DYNC1I2: variants seen among roughly 807,000 people sequenced by gnomAD.
DYNC1I2 encodes dynein cytoplasmic 1 intermediate chain 2.
Under a neutral mutation model 88.6 loss-of-function variants are expected in DYNC1I2, and 53 were observed. The observed-to-expected ratio is 0.60, with a 90% CI of 0.48 to 0.75. DYNC1I2 has a LOEUF of 0.75. DYNC1I2 is among the 30% of genes least tolerant of loss of function. DYNC1I2 has a pLI of 0.00. For missense variants in DYNC1I2, 458 were observed against 766.6 expected, an observed-to-expected ratio of 0.60 and a Z score of 4.75; for synonymous variants, 198 against 254.6, an observed-to-expected ratio of 0.78 and a Z score of 2.12.
At chr2:171,700,851 T>C (rs1686203216) in intron 3 of DYNC1I2, among the ~76,000 whole-genome samples, 1 of 152,120 alleles carries the variant, frequency 6.6e-6, no homozygotes, top group Non-Finnish European at 1.5e-5. Context: ...CAGGATGGTC[T>C]CAATCTCCTG....
chr2:171,703,658 GA>G (rs1157391645), intron 3 of DYNC1I2, among the ~76,000 whole-genome samples: 2 of 152,038 alleles, frequency 1.3e-5, no homozygotes, highest in African/African-American at 4.8e-5. Context: ...ATTATGAAGA[GA>G]AAGAGCAAGG....
chr2:171,725,122 G>T (rs1688151098), intron 7 of DYNC1I2, among the ~76,000 whole-genome samples: 1 of 152,100 alleles, frequency 6.6e-6, no homozygotes, highest in African/African-American at 2.4e-5. Context: ...CCTTATGAAG[G>T]CCCATTAGAC....
intron 2 of DYNC1I2, among the ~76,000 whole-genome samples, chr2:171,691,894 T>C (rs973489674): frequency 6.6e-6 from 1 of 152,192 alleles, no homozygotes; most frequent in Admixed American, 6.5e-5. Context: ...ACAATGGTAT[T>C]AAACTGTGAG....
chr2:171,728,622 TAAAAG>T (rs1218644886), intron 13 of DYNC1I2, 90 bp from the exon 14 acceptor site: 1 of 1,130,736 alleles, frequency 8.8e-7, no homozygotes, highest in East Asian at 2.7e-5. Context: ...ATGTAAATAA[TAAAAG>T]AATTGTTTAC....
At chr2:171,734,174 A>G (rs1047224277) in intron 15 of DYNC1I2, among the ~76,000 whole-genome samples, 2 of 151,762 alleles carry the variant, frequency 1.3e-5, no homozygotes, top group Admixed American at 1.3e-4. Flanking sequence ...TCTTTTATCT[A>G]TTTCTAGTTT....
chr2:171,701,330 C>T (rs1205138355), intron 3 of DYNC1I2, among the ~76,000 whole-genome samples: 2 of 152,100 alleles, frequency 1.3e-5, no homozygotes, highest in African/African-American at 4.8e-5. Flanking sequence ...CCAACAAGCC[C>T]AGCTAATTTT....
chr2:171,712,794 A>G lies in DYNC1I2; in HGVS notation c.363A>G (p.Ser121=), dbSNP rs374325645. ...CGCTGCATTGGGATACAGATCCATC[A>G]GTTCTTCAGCTTCACTCAGATTCCG... is the stretch of plus-strand genomic sequence containing the variant. ...SRTLHWDTDP[S]VLQLHSDSDL... is the part of the protein sequence containing the mutation. The change falls in exon 6 of 18, where the codon TCA becomes TCG. Residue 121 remains serine (S), a synonymous_variant. Transcript: ENST00000397119. The G allele has an allele frequency of 1.7e-5, 27 of 1,613,428 alleles. No individual in the cohort carries two copies. Among genetic ancestry groups the G allele is most frequent in the Non-Finnish European group, 2.0e-5 (24 of 1,179,628 alleles).
intron 7 of DYNC1I2, among the ~76,000 whole-genome samples, chr2:171,725,278 G>C (rs1386976046): frequency 2.6e-5 from 4 of 152,148 alleles, no homozygotes; most frequent in African/African-American, 9.7e-5. Context: ...AATGATAAAT[G>C]CTTGCAAGCT....
intron 7 of DYNC1I2, among the ~76,000 whole-genome samples, chr2:171,717,496 G>A (rs1687591854): frequency 1.3e-5 from 2 of 151,968 alleles, no homozygotes; most frequent in African/African-American, 2.4e-5. Context: ...TGGTTGGTAA[G>A]ATATCTTTTG....
chr2:171,690,676 C>G (rs1685336578), intron 2 of DYNC1I2, among the ~76,000 whole-genome samples: 1 of 131,516 alleles, frequency 7.6e-6, no homozygotes, highest in African/African-American at 2.9e-5. Flanking sequence ...TTTTTTGAGA[C>G]TGGGTCTCAC....
At chr2:171,733,494 T>C (rs1382337694) in intron 15 of DYNC1I2, among the ~76,000 whole-genome samples, 1 of 144,598 alleles carries the variant, frequency 6.9e-6, no homozygotes, top group Non-Finnish European at 1.5e-5. Context: ...TTTTTTGCTT[T>C]TTAATAATAG....
At position 171,715,330 on chromosome 2, in the gene DYNC1I2, G is replaced by A. The variant is rs769244386; in HGVS notation, c.398G>A (p.Arg133Gln). 69 of 1,545,558 alleles carry A rather than the reference G, an allele frequency of 4.5e-5. No homozygotes were observed. The Middle Eastern group carries it at 5.9e-4, about 13-fold the overall frequency. ...LQLHSDSDLG[R>Q]GPIKLGMAKI... Reference sequence around the variant, plus strand: ...TTGTTTGTATTTACTTAATTTAGACGAGGACCTATTAAACTTGGAATGGCT... The same window carrying A: ...TTGTTTGTATTTACTTAATTTAGACAAGGACCTATTAAACTTGGAATGGCT... Residue 133 changes from arginine (R) to glutamine (Q), a missense_variant and splice_region_variant, in exon 7 of 18, where the codon CGA (arginine) becomes CAA (glutamine). Transcript: ENST00000397119.
intron 1 of DYNC1I2, chr2:171,688,631 A>G (rs1685153980): frequency 6.6e-6 from 1 of 152,174 alleles, no homozygotes; most frequent in Non-Finnish European, 1.5e-5. Context: ...CTTGGAAGAT[A>G]TTGTGTATAT....
intron 15 of DYNC1I2, among the ~76,000 whole-genome samples, chr2:171,736,049 AAT>A (rs1312153955): frequency 6.6e-5 from 10 of 152,318 alleles, no homozygotes; most frequent in Admixed American, 3.9e-4. Context: ...TCCTTATATT[AAT>A]AGCTTACTTA....
At chr2:171,726,987 T>C in intron 11 of DYNC1I2, 71 bp downstream of exon 11, 2 of 1,420,054 alleles carry the variant, frequency 1.4e-6, no homozygotes, top group Non-Finnish European at 1.9e-6. Context: ...AAGTGCCTTT[T>C]TTCTTTTCTT....
chr2:171,725,512 A>G, intron 7 of DYNC1I2, 106 bp from the exon 8 acceptor site: 1 of 689,818 alleles, frequency 1.4e-6, no homozygotes, highest in Non-Finnish European at 2.3e-6. Context: ...GAGTTGTGAT[A>G]CCTTCTGAAA....
At chr2:171,704,881 T>C (rs1012843882) in intron 3 of DYNC1I2, among the ~76,000 whole-genome samples, 2 of 152,184 alleles carry the variant, frequency 1.3e-5, no homozygotes, top group Admixed American at 1.3e-4. Context: ...TAAAAATTAA[T>C]ATTCCTCCTT....
intron 7 of DYNC1I2, among the ~76,000 whole-genome samples, chr2:171,715,875 C>T (rs1338128327): frequency 6.6e-6 from 1 of 152,126 alleles, no homozygotes; most frequent in African/African-American, 2.4e-5. Context: ...GTTATTCATA[C>T]TAATGAACAA....
At chr2:171,713,762 A>G (rs373903831) in intron 6 of DYNC1I2, among the ~76,000 whole-genome samples, 27 of 152,174 alleles carry the variant, frequency 1.8e-4, no homozygotes, top group East Asian at 7.7e-4. Context: ...AAAGTAAGGT[A>G]AATAAGCCTT....
Sources: allele counts gnomAD v4.1 joint callset (sites outside exome capture counted in the v4.1 genomes callset), GRCh38; gene constraint gnomAD v4.1.1; transcripts MANE v1.5; gene names NCBI Gene and HGNC (gene_info 2026-07-23, HGNC 2026-07-21).